Variants in FUT8 observed in about 807,000 individuals in gnomAD.
The protein encoded by FUT8 is fucosyltransferase 8.
FUT8 carries 29 observed loss-of-function variants against 71.3 expected under a neutral mutation model. The ratio of observed to expected loss-of-function variants is 0.41; its 90% CI spans 0.30 to 0.55. FUT8 has a LOEUF of 0.55. FUT8 is among the 20% of genes least tolerant of loss of function. The pLI is 0.34. For missense variants in FUT8, 544 were observed against 702.1 expected (o/e 0.77, Z 2.55); for synonymous variants, 254 against 239.3 (o/e 1.06, Z -0.57).
intron 7 of FUT8, among the ~76,000 whole-genome samples, chr14:65,708,227 G>C (rs1288129572): frequency 1.3e-5 from 2 of 152,148 alleles, no homozygotes; most frequent in Non-Finnish European, 2.9e-5. Flanking sequence ...TTTATCAGGG[G>C]CTCTTCCCTC....
At chr14:65,587,099 G>T (rs1212944335) in intron 3 of FUT8, among the ~76,000 whole-genome samples, 5 of 151,556 alleles carry the variant, frequency 3.3e-5, no homozygotes, top group African/African-American at 1.2e-4. Flanking sequence ...TGAGGCAGGG[G>T]AATGGTGTGA....
chr14:65,698,232 T>G (rs1017940298), intron 7 of FUT8, among the ~76,000 whole-genome samples: 1 of 152,216 alleles, frequency 6.6e-6, no homozygotes, highest in Non-Finnish European at 1.5e-5. Flanking sequence ...CCATAACTTC[T>G]TACATTACTG....
the FUT8 span, among the ~76,000 whole-genome samples, chr14:65,396,438 T>C: frequency 1.3e-5 from 2 of 152,174 alleles, no homozygotes; most frequent in Non-Finnish European, 2.9e-5. The surrounding 1 kb of genome is among the most constrained non-coding windows in gnomAD (Gnocchi z 5.5). Context: ...GCATGTCTTA[T>C]ATGGAAGCAG....
In FUT8 at chr14:65,643,715, C is replaced by CACACACACACACACACACACA. The variant is rs1890978227; in HGVS notation, c.597+14109_597+14110insACACACACACACACACACACA. ...ACACACACACACACACACACACACA[C>CACACACACACACACACACACA]CAGATTCCATTCTAGATGCTATTCC... On this transcript the variant is annotated intron_variant, in intron 6 of 10. Transcript: ENST00000673929. This position sits in a 1 kb window ranked among gnomAD's most constrained non-coding sequence, Gnocchi z 4.5. Among the ~76,000 whole-genome samples the CACACACACACACACACACACA allele has an allele frequency of 1.4e-5, 2 of 145,116 alleles. No homozygotes were observed. The highest frequency in any genetic ancestry group is 3.0e-5 in the Non-Finnish European group (2 of 65,720).
Position 65,574,797 on chromosome 14 carries a change from G to C in FUT8, c.203+13031G>C, listed in dbSNP as rs1300877168. Among the ~76,000 whole-genome samples, 2 of 152,098 alleles carry C rather than the reference G, an allele frequency of 1.3e-5. No individual in the cohort carries two copies. The highest frequency in any genetic ancestry group is 6.5e-5 in the Admixed American group (1 of 15,270). ...TTCATTGTTTGTGGCGCAATGTCTTGCTTCCCTTGGTTCCTAGTACAAAGA... is the reference window on the plus strand; with the variant it reads ...TTCATTGTTTGTGGCGCAATGTCTTCCTTCCCTTGGTTCCTAGTACAAAGA... On this transcript the variant is annotated intron_variant, in intron 3 of 10. Coordinates refer to ENST00000673929, the MANE Select transcript of FUT8 (RefSeq NM_001371533.1). The surrounding 1 kb of genome is among the most constrained non-coding windows in gnomAD (Gnocchi z 5.2).
rs932027721 is a variant in FUT8 at position 65,742,527 on chromosome 14, A to G, written c.*117A>G. On this transcript the variant is annotated 3_prime_UTR_variant, in exon 11 of 11. Coordinates refer to ENST00000673929, the MANE Select transcript of FUT8 (RefSeq NM_001371533.1). ...TCTAACAAAATAAGGTTATATGAGT[A>G]GATACTCTCAGCACCAAGAGCAGCT... is the stretch of plus-strand genomic sequence containing the variant. 19 of 804,134 alleles carry G rather than the reference A, an allele frequency of 2.4e-5. No homozygotes were observed. The highest frequency in any genetic ancestry group is 3.5e-5 in the African/African-American group (2 of 57,440). 49.8% of individuals were successfully genotyped at this position (804,134 alleles called of 1,614,324 possible).
chr14:65,611,923 A>C (rs1165955674), intron 3 of FUT8, among the ~76,000 whole-genome samples: 6 of 152,178 alleles, frequency 3.9e-5, no homozygotes, highest in Admixed American at 3.9e-4. Context: ...AGCCTCCCAA[A>C]GTGCTGGGAT....
chr14:65,423,822 A>T (rs1787593675), intron 1 of FUT8, among the ~76,000 whole-genome samples: 1 of 152,220 alleles, frequency 6.6e-6, no homozygotes, highest in Non-Finnish European at 1.5e-5. Context: ...CTGTACCCCT[A>T]TAAAAGCTAC....
chr14:65,637,108 T>A (rs1372933299), intron 6 of FUT8, among the ~76,000 whole-genome samples: 1 of 152,230 alleles, frequency 6.6e-6, no homozygotes, highest in Non-Finnish European at 1.5e-5. Context: ...TCTTGTGTTA[T>A]ATAATCATAA....
chr14:65,359,862 A>G, the FUT8 span, among the ~76,000 whole-genome samples: 137,701 of 152,148 alleles, frequency 0.91, 62,818 homozygotes, highest in East Asian at 1. Flanking sequence ...GTCTTGCTCT[A>G]TCACCCAGGC....
At chr14:65,498,631 A>T (rs1164198900) in intron 2 of FUT8, among the ~76,000 whole-genome samples, 3 of 152,154 alleles carry the variant, frequency 2.0e-5, no homozygotes, top group Non-Finnish European at 4.4e-5. Flanking sequence ...CAACAATGTT[A>T]TTTATCTCTG....
At chr14:65,484,505 G>GT (rs1245712533) in intron 2 of FUT8, among the ~76,000 whole-genome samples, 1 of 151,300 alleles carries the variant, frequency 6.6e-6, no homozygotes, top group Non-Finnish European at 1.5e-5. Flanking sequence ...TCCCATGTTT[G>GT]TTTTTTTTAA....
At chr14:65,677,161 CATGCGCGCGCACGTATGTGTGTGCGCAT>C (rs1289524435) in intron 7 of FUT8, among the ~76,000 whole-genome samples, 1 of 50,746 alleles carries the variant, frequency 2.0e-5, no homozygotes, top group African/African-American at 7.0e-5. Context: ...TGCGCGCGCG[CATGCGCGCGCACGTATGTGTGTGCGCAT>C]GTGTGTTTTT....
chr14:65,459,334 A>G (rs2065939799), intron 2 of FUT8, among the ~76,000 whole-genome samples: 1 of 152,210 alleles, frequency 6.6e-6, no homozygotes, highest in Non-Finnish European at 1.5e-5. Flanking sequence ...TAAATTTAAT[A>G]TGCTTTAATT....
At chr14:65,504,974 C>T (rs2066704608) in intron 2 of FUT8, among the ~76,000 whole-genome samples, 1 of 152,196 alleles carries the variant, frequency 6.6e-6, no homozygotes, top group South Asian at 2.1e-4. Context: ...AAAACCCCAA[C>T]ACACTGTATT....
At chr14:65,591,689 T>G (rs1386880647) in intron 3 of FUT8, among the ~76,000 whole-genome samples, 1 of 152,108 alleles carries the variant, frequency 6.6e-6, no homozygotes, top group African/African-American at 2.4e-5. Flanking sequence ...ATCTTGGGTC[T>G]TAATCTCAGG....
At chr14:65,388,762 CAAAAATA>C in the FUT8 span, among the ~76,000 whole-genome samples, 13 of 151,204 alleles carry the variant, frequency 8.6e-5, no homozygotes, top group East Asian at 5.8e-4. Context: ...ATTCCATCTC[CAAAAATA>C]AAAAATAAAA....
At chr14:65,718,298 CTG>C (rs1895229084) in intron 7 of FUT8, among the ~76,000 whole-genome samples, 1 of 152,162 alleles carries the variant, frequency 6.6e-6, no homozygotes. Context: ...TTATTTTAAA[CTG>C]ATGACAATTT....
At chr14:65,402,204 T>A in the FUT8 span, among the ~76,000 whole-genome samples, 1 of 145,962 alleles carries the variant, frequency 6.9e-6, no homozygotes, top group Non-Finnish European at 1.5e-5. Context: ...TGATTTTTTT[T>A]TTTTTTTTTT....
Sources: allele counts gnomAD v4.1 joint callset (sites outside exome capture counted in the v4.1 genomes callset), GRCh38; gene constraint gnomAD v4.1.1; non-coding constraint Gnocchi (gnomAD v3.1); transcripts MANE v1.5; gene names NCBI Gene and HGNC (gene_info 2026-07-23, HGNC 2026-07-21).